Variants in NXPE2 observed in about 807,000 individuals in gnomAD.
NXPE2 encodes neurexophilin and PC-esterase domain family member 2.
A neutral mutation model predicts 34.4 loss-of-function variants in NXPE2; 34 were observed. The observed-to-expected ratio is 0.99, with a 90% CI of 0.75 to 1.31. The LOEUF (loss-of-function observed/expected upper bound fraction) is 1.31. Among genes scored for constraint, NXPE2 ranks in the 40% most tolerant of loss-of-function variants. The probability of loss-of-function intolerance (pLI) is 0.00; values close to 1 mark genes in which losing one functional copy is unlikely to be tolerated. For missense variants in NXPE2, 649 were observed against 672.5 expected (o/e 0.97, Z 0.39); for synonymous variants, 235 against 231.3 (o/e 1.02, Z -0.15).
chr11:114,706,649 A>G lies in NXPE2; in HGVS notation c.1399A>G (p.Ile467Val), dbSNP rs1488927946. Residue 467 changes from isoleucine (I) to valine (V), a missense_variant, in exon 6 of 6, where the codon ATC becomes GTC. By Grantham distance (29) the Ile-to-Val change is conservative (BLOSUM62 3). Transcript: ENST00000389586. ...FPINIFIRRA[I>V]NIQKAIERLF... is the part of the protein sequence containing the mutation. ...CATCAACATTTTCATCCGTAGGGCC[A>G]TCAATATTCAAAAGGCCATTGAACG... The G allele has an allele frequency of 3.2e-6, 5 of 1,551,966 alleles. No individual in the cohort carries two copies. The highest frequency in any genetic ancestry group is 4.4e-6 in the Non-Finnish European group (5 of 1,147,026).
chr11:114,603,678 A>G, the NXPE2 span, among the ~76,000 whole-genome samples: 3 of 151,290 alleles, frequency 2.0e-5, no homozygotes, highest in South Asian at 6.3e-4. Flanking sequence ...CTCTTGGGTA[A>G]CTCCTATTAC....
At chr11:114,552,796 C>T in the NXPE2 span, 1 of 749,190 alleles carries the variant, frequency 1.3e-6, no homozygotes, top group Non-Finnish European at 1.6e-6. Flanking sequence ...ATCTTAGATT[C>T]TCAATCTCCT....
the NXPE2 span, among the ~76,000 whole-genome samples, chr11:114,795,488 A>C: frequency 6.6e-6 from 1 of 152,222 alleles, no homozygotes; most frequent in African/African-American, 2.4e-5. Context: ...CCTTGAATGC[A>C]TGATACCCAG....
the NXPE2 span, among the ~76,000 whole-genome samples, chr11:114,782,353 A>AG: frequency 6.6e-6 from 1 of 152,188 alleles, no homozygotes; most frequent in Non-Finnish European, 1.5e-5. Context: ...GCTGAGAGGC[A>AG]GGATTGGCTT....
At chr11:114,647,664 CTCTT>C in the NXPE2 span, among the ~76,000 whole-genome samples, 1 of 151,484 alleles carries the variant, frequency 6.6e-6, no homozygotes, top group Non-Finnish European at 1.5e-5. Flanking sequence ...TGTATTTTGT[CTCTT>C]TCTCTCAATC....
the NXPE2 span, among the ~76,000 whole-genome samples, chr11:114,636,425 G>A: frequency 6.6e-6 from 1 of 151,894 alleles, no homozygotes; most frequent in Non-Finnish European, 1.5e-5. Flanking sequence ...TCCTGGATTC[G>A]TTAATTGTTT....
At chr11:114,662,113 T>G in the NXPE2 span, among the ~76,000 whole-genome samples, 1 of 152,134 alleles carries the variant, frequency 6.6e-6, no homozygotes, top group Admixed American at 6.6e-5. Flanking sequence ...TTTAACTCCA[T>G]ATCACTGAAA....
At chr11:114,774,132 A>G in the NXPE2 span, among the ~76,000 whole-genome samples, 1 of 152,304 alleles carries the variant, frequency 6.6e-6, no homozygotes, top group East Asian at 1.9e-4. Flanking sequence ...AACCCTGCAG[A>G]AGCCCCAGCA....
At chr11:114,791,527 T>A in the NXPE2 span, among the ~76,000 whole-genome samples, 1 of 152,176 alleles carries the variant, frequency 6.6e-6, no homozygotes, top group Admixed American at 6.5e-5. Context: ...TCATGCCCTT[T>A]CAAGATATCA....
the NXPE2 span, among the ~76,000 whole-genome samples, chr11:114,719,075 T>A: frequency 6.6e-6 from 1 of 152,238 alleles, no homozygotes; most frequent in Non-Finnish European, 1.5e-5. Context: ...TCTCCTCCAC[T>A]GTAAGATCTG....
chr11:114,803,570 G>C, the NXPE2 span, among the ~76,000 whole-genome samples: 3 of 144,964 alleles, frequency 2.1e-5, no homozygotes, highest in Non-Finnish European at 4.5e-5. Context: ...ACTCCCTCAG[G>C]TCTCTCTCTC....
the NXPE2 span, among the ~76,000 whole-genome samples, chr11:114,667,667 T>C: frequency 6.6e-6 from 1 of 152,092 alleles, no homozygotes; most frequent in Admixed American, 6.6e-5. Context: ...CAACAGTCCA[T>C]GGAAAGTGGC....
the NXPE2 span, among the ~76,000 whole-genome samples, chr11:114,736,291 G>A: frequency 1.3e-5 from 2 of 152,120 alleles, no homozygotes; most frequent in Non-Finnish European, 2.9e-5. Flanking sequence ...GAGCACTATG[G>A]GAGACTGGGG....
the NXPE2 span, among the ~76,000 whole-genome samples, chr11:114,639,168 A>T: frequency 6.6e-6 from 1 of 151,982 alleles, no homozygotes; most frequent in Non-Finnish European, 1.5e-5. Flanking sequence ...AGCCTGGGCA[A>T]TGGTGGGCAC....
chr11:114,792,977 C>T, the NXPE2 span, among the ~76,000 whole-genome samples: 1 of 152,122 alleles, frequency 6.6e-6, no homozygotes, highest in Admixed American at 6.5e-5. Flanking sequence ...GAACTTACAA[C>T]CTCTTAGCAT....
the NXPE2 span, among the ~76,000 whole-genome samples, chr11:114,665,256 C>T: frequency 2.0e-5 from 3 of 152,110 alleles, no homozygotes; most frequent in African/African-American, 7.2e-5. Context: ...AATATTCTCT[C>T]AACCAGCTTT....
the NXPE2 span, among the ~76,000 whole-genome samples, chr11:114,556,175 G>C: frequency 6.6e-6 from 1 of 152,202 alleles, no homozygotes; most frequent in Non-Finnish European, 1.5e-5. Context: ...CATGAAAACA[G>C]TTTATACCTC....
chr11:114,572,499 A>G, the NXPE2 span, among the ~76,000 whole-genome samples: 1 of 152,210 alleles, frequency 6.6e-6, no homozygotes, highest in Non-Finnish European at 1.5e-5. Flanking sequence ...TTCTTCAGTG[A>G]AATAGATAGT....
chr11:114,566,220 A>G, the NXPE2 span, among the ~76,000 whole-genome samples: 1 of 151,672 alleles, frequency 6.6e-6, no homozygotes, highest in East Asian at 1.9e-4. Flanking sequence ...GAAATCATCG[A>G]TAGTATTTAA....
Sources: allele counts gnomAD v4.1 joint callset (sites outside exome capture counted in the v4.1 genomes callset), GRCh38; gene constraint gnomAD v4.1.1; transcripts MANE v1.5; gene names NCBI Gene and HGNC (gene_info 2026-07-23, HGNC 2026-07-21).